The following C12orf75 variants were observed in gnomAD, a reference collection of about 807,000 sequenced individuals.
C12orf75 encodes overexpressed in colon carcinoma 1 protein.
C12orf75 carries 4 observed loss-of-function variants against 11.4 expected under a neutral mutation model. The observed-to-expected ratio is 0.35, with a 90% CI of 0.17 to 0.80. C12orf75 has a LOEUF of 0.80. Ranked by LOEUF, C12orf75 falls within the 30% of genes least tolerant of loss-of-function variation. The pLI, the probability that C12orf75 is intolerant of heterozygous loss-of-function variation, is 0.52. For missense variants in C12orf75, 89 were observed against 80.4 expected (o/e 1.11, Z -0.41); for synonymous variants, 30 against 30.0 (o/e 1.00, Z 0.00).
intron 2 of C12orf75, among the ~76,000 whole-genome samples, chr12:105,364,552 A>G (rs1333104596): frequency 6.6e-6 from 1 of 152,238 alleles, no homozygotes; most frequent in Admixed American, 6.5e-5. Flanking sequence ...TCATGCACAT[A>G]TACAGTCACA....
At chr12:105,360,964 C>T (rs1566141746) in intron 2 of C12orf75, among the ~76,000 whole-genome samples, 1 of 152,064 alleles carries the variant, frequency 6.6e-6, no homozygotes, top group Non-Finnish European at 1.5e-5. Flanking sequence ...TTAGTAGAGA[C>T]GGGGTTTCTT....
In C12orf75 at chr12:105,364,094, A is replaced by G. The variant is rs560013355; in HGVS notation, c.72-1713A>G. 1.7e-4 allele frequency among the ~76,000 whole-genome samples: 26 copies of G among 152,380 alleles called. 1 individual carries two copies. In the East Asian group the frequency reaches 5.0e-3, roughly 29 times the overall value. On this transcript the variant is annotated intron_variant, in intron 2 of 5. Transcript: ENST00000443585. ...ATAGTCATGGCCGGAAATGTGTGTCATAAGCTACCAGTTATATACAGATTC... is the reference window on the plus strand; with the variant it reads ...ATAGTCATGGCCGGAAATGTGTGTCGTAAGCTACCAGTTATATACAGATTC...
intron 2 of C12orf75, among the ~76,000 whole-genome samples, chr12:105,363,964 G>T (rs1014543285): frequency 1.3e-5 from 2 of 152,106 alleles, no homozygotes; most frequent in Non-Finnish European, 2.9e-5. Context: ...TCTTACATTT[G>T]GGAAAGTGAA....
intron 1 of C12orf75, among the ~76,000 whole-genome samples, chr12:105,345,626 G>A (rs879457792): frequency 1.4e-5 from 2 of 142,244 alleles, no homozygotes; most frequent in Non-Finnish European, 3.0e-5. Context: ...TCCTTTTCCA[G>A]GTCTTTTTCC....
In C12orf75 at chr12:105,371,288, G is replaced by A. The variant is rs748995669; in HGVS notation, c.*688G>A. The A allele has an allele frequency of 6.6e-6, 1 of 152,078 alleles. No homozygotes were observed. The highest frequency in any genetic ancestry group is 1.5e-5 in the Non-Finnish European group (1 of 68,080). 9.4% of individuals were successfully genotyped at this position (152,078 alleles called of 1,614,324 possible). A position where few individuals can be genotyped will look rare whatever the true frequency, so the allele number is the denominator to read the frequency against. ...TTTGATTACATTTTTATTTTCTTTC[G>A]TGAAAGGCATGTGCAACTACAAATA... On this transcript the variant is annotated 3_prime_UTR_variant, in exon 6 of 6. Coordinates refer to ENST00000443585, the MANE Select transcript of C12orf75 (RefSeq NM_001145199.2).
rs141839739 is a variant in C12orf75, at chr12:105,357,555, A to G, written c.72-8252A>G. On this transcript the variant is annotated intron_variant, in intron 2 of 5. Coordinates refer to ENST00000443585, the MANE Select transcript of C12orf75 (RefSeq NM_001145199.2). ...ATGAGTTACGGGGGTCACCTTGAAT[A>G]ACACTTGTTTCTGCAAACAGTTTTA... Among the ~76,000 whole-genome samples, 38 of 152,316 alleles carry G rather than the reference A, an allele frequency of 2.5e-4. No individual in the cohort carries two copies. The East Asian group carries it at 7.1e-3, about 29-fold the overall frequency.
In C12orf75 at chr12:105,342,330, G is replaced by C. The variant is rs79022153; in HGVS notation, c.47-6272G>C. Among the ~76,000 whole-genome samples, 726 of 152,238 alleles carry C rather than the reference G, an allele frequency of 4.8e-3. 7 individuals are homozygous for C. Among genetic ancestry groups the C allele is most frequent in the African/African-American group, 0.017 (699 of 41,526 alleles). ...GAGTGGGCTGGTTATTGAGAGAGTG[G>C]GTTGCTGTAAAAGCAAGTTTGGCCC... On this transcript the variant is annotated intron_variant, in intron 1 of 5. Coordinates refer to ENST00000443585, the MANE Select transcript of C12orf75 (RefSeq NM_001145199.2).
intron 2 of C12orf75, among the ~76,000 whole-genome samples, chr12:105,360,061 G>T (rs879459379): frequency 8.5e-5 from 13 of 152,198 alleles, no homozygotes; most frequent in Admixed American, 7.9e-4. Flanking sequence ...ATTCTAGAGG[G>T]TGAAGTCATC....
intron 1 of C12orf75, among the ~76,000 whole-genome samples, chr12:105,332,134 A>G (rs1892436439): frequency 1.3e-5 from 2 of 152,224 alleles, no homozygotes; most frequent in African/African-American, 4.8e-5. Flanking sequence ...TAATGAGGGC[A>G]GACGGGCTTC....
chr12:105,368,303 G>A (rs1871536166), intron 5 of C12orf75, among the ~76,000 whole-genome samples: 4 of 152,142 alleles, frequency 2.6e-5, no homozygotes, highest in Admixed American at 2.6e-4. Context: ...CCTGGTGAAT[G>A]ACACCCAACC....
At chr12:105,346,259 T>G (rs746552570) in intron 1 of C12orf75, among the ~76,000 whole-genome samples, 18 of 152,126 alleles carry the variant, frequency 1.2e-4, no homozygotes, top group Non-Finnish European at 2.6e-4. Context: ...TGAAACCAAG[T>G]TGTAGCCTGA....
At chr12:105,353,120 A>C (rs1052665959) in intron 2 of C12orf75, among the ~76,000 whole-genome samples, 1 of 152,212 alleles carries the variant, frequency 6.6e-6, no homozygotes, top group African/African-American at 2.4e-5. Flanking sequence ...AAACTGGCCT[A>C]AACAAACAAA....
At chr12:105,342,384 C>T (rs192448537) in intron 1 of C12orf75, among the ~76,000 whole-genome samples, 1 of 152,242 alleles carries the variant, frequency 6.6e-6, no homozygotes, top group Non-Finnish European at 1.5e-5. Context: ...TCTTGCCCTT[C>T]TGCCTTCCCA....
Position 105,340,033 on chromosome 12 carries a change from C to G in C12orf75, c.47-8569C>G, listed in dbSNP as rs1892548094. ...TGTATAATACTGAAGACATGCTGGACAGTATGATTCATGGTTTTTAATGTA... is the reference window on the plus strand; with the variant it reads ...TGTATAATACTGAAGACATGCTGGAGAGTATGATTCATGGTTTTTAATGTA... On this transcript the variant is annotated intron_variant, in intron 1 of 5. Transcript: ENST00000443585. 1.3e-5 allele frequency among the ~76,000 whole-genome samples: 2 copies of G among 152,162 alleles called. 1 individual carries two copies. The highest frequency in any genetic ancestry group is 2.9e-5 in the Non-Finnish European group (2 of 68,040).
chr12:105,346,917 C>T (rs559863679), intron 1 of C12orf75, among the ~76,000 whole-genome samples: 206 of 152,226 alleles, frequency 1.4e-3, no homozygotes, highest in African/African-American at 4.8e-3. Context: ...TTAAGTGTGA[C>T]GTCTAATAAT....
chr12:105,336,864 G>A (rs1350138500), intron 1 of C12orf75, among the ~76,000 whole-genome samples: 1 of 152,210 alleles, frequency 6.6e-6, no homozygotes, highest in Non-Finnish European at 1.5e-5. Context: ...AAAGAGAGGT[G>A]TGGAGACCCC....
rs1350260081 is a variant in C12orf75, at chr12:105,330,753, G to A, written c.-139G>A. 7 of 858,110 alleles carry A rather than the reference G, an allele frequency of 8.2e-6. No homozygotes were observed. In the South Asian group the frequency reaches 1.8e-4, roughly 22 times the overall value. The allele number at this position is 858,110 out of a possible 1,614,324, so 53.2% of individuals were successfully genotyped here. The stretch of plus-strand genomic sequence containing the variant: ...GGCCGCGTCTCCCGGCGGTGGGAGG[G>A]GGCGGCCCCCACTCGGTTCCTGGCC... On this transcript the variant is annotated 5_prime_UTR_variant, in exon 1 of 6. Coordinates refer to ENST00000443585, the MANE Select transcript of C12orf75 (RefSeq NM_001145199.2).
At chr12:105,333,010 T>C (rs1255823238) in intron 1 of C12orf75, among the ~76,000 whole-genome samples, 1 of 151,806 alleles carries the variant, frequency 6.6e-6, no homozygotes, top group African/African-American at 2.4e-5. Context: ...TGTGAGAGCA[T>C]GCTATTCTCT....
At position 105,366,552 on chromosome 12, in the gene C12orf75, G is replaced by A. The variant is rs546655987; in HGVS notation, c.108-65G>A. The A allele has an allele frequency of 1.0e-4, 76 of 736,516 alleles. 1 individual carries two copies. The African/African-American group carries it at 1.2e-3, about 11-fold the overall frequency. 45.6% of individuals were successfully genotyped at this position (736,516 alleles called of 1,614,324 possible). A position where few individuals can be genotyped will look rare whatever the true frequency, so the allele number is the denominator to read the frequency against. Reference sequence around the variant, plus strand: ...ATTATATAATTGTTTGGAGTACTCCGTGCTTCTGTTGCTTCCTGTAAATAG... The same window carrying A: ...ATTATATAATTGTTTGGAGTACTCCATGCTTCTGTTGCTTCCTGTAAATAG... On this transcript the variant is annotated intron_variant, in intron 3 of 5. Coordinates refer to ENST00000443585, the MANE Select transcript of C12orf75 (RefSeq NM_001145199.2).
Sources: gnomAD v4.1 joint callset for allele counts (sites outside exome capture counted in the v4.1 genomes callset) on GRCh38, gnomAD v4.1.1 for gene constraint, MANE v1.5 for transcripts, NCBI Gene and HGNC (gene_info 2026-07-23, HGNC 2026-07-21) for gene names.